Variants in NDRG4 observed in about 807,000 individuals in gnomAD.
NDRG4 encodes the protein protein NDRG4.
Under a neutral mutation model 55.8 loss-of-function variants are expected in NDRG4, and 38 were observed. That is an observed-to-expected ratio of 0.68 (90% CI 0.53 to 0.89). The LOEUF (loss-of-function observed/expected upper bound fraction) is 0.89, where lower values mean the gene tolerates loss of function less well. Ranked by LOEUF, NDRG4 falls within the 40% of genes least tolerant of loss-of-function variation. The pLI is 0.00. For missense variants in NDRG4, 455 were observed against 468.6 expected (o/e 0.97, Z 0.27); for synonymous variants, 190 against 182.7 (o/e 1.04, Z -0.32).
chr16:58,492,818 C>T (rs530687542), intron 2 of NDRG4, among the ~76,000 whole-genome samples: 2 of 152,284 alleles, frequency 1.3e-5, no homozygotes, highest in East Asian at 1.9e-4. Flanking sequence ...TCTCCTCAGC[C>T]CGCTTGTGCA....
chr16:58,506,640 T>C (rs1199648453), intron 7 of NDRG4, 26 bp downstream of exon 7: 1 of 1,545,064 alleles, frequency 6.5e-7, no homozygotes, highest in Admixed American at 2.0e-5. Context: ...TCTGCAGATC[T>C]GGGGTGATCT....
chr16:58,505,205 C>T (rs967758075), intron 5 of NDRG4, among the ~76,000 whole-genome samples: 28 of 151,838 alleles, frequency 1.8e-4, no homozygotes, highest in Admixed American at 4.6e-4. Context: ...AAAAATTAGC[C>T]GGGCGTAGTG....
At chr16:58,483,084 C>A (rs28408754) in intron 1 of NDRG4, among the ~76,000 whole-genome samples, 2,102 of 152,158 alleles carry the variant, frequency 0.014, 51 homozygotes, top group African/African-American at 0.048. Context: ...CCGTGCCCAG[C>A]CCCCCAGTGT....
upstream of NDRG4, chr16:58,495,158 TTCTGC>T (rs1406231559): frequency 3.1e-5 from 23 of 744,684 alleles, no homozygotes; most frequent in East Asian, 5.2e-4. Context: ...CTGGCCCTGC[TTCTGC>T]GAGCAGCAGG....
chr16:58,465,309 A>T (rs2031381713), intron 1 of NDRG4: 3 of 434,874 alleles, frequency 6.9e-6, no homozygotes, highest in Non-Finnish European at 1.4e-5. Flanking sequence ...ATGAGGGAGC[A>T]GAGCCCCGGA....
At chr16:58,489,375 C>T (rs1352056439) in intron 2 of NDRG4, among the ~76,000 whole-genome samples, 1 of 151,904 alleles carries the variant, frequency 6.6e-6, no homozygotes, top group East Asian at 1.9e-4. Context: ...TGCACCAGCT[C>T]CCCCGCCTGT....
At chr16:58,477,964 T>C (rs1168674396) in intron 1 of NDRG4, among the ~76,000 whole-genome samples, 2 of 152,188 alleles carry the variant, frequency 1.3e-5, no homozygotes, top group Non-Finnish European at 2.9e-5. Flanking sequence ...TGCCTGCTGA[T>C]ACAAACTGAG....
upstream of NDRG4, among the ~76,000 whole-genome samples, chr16:58,497,557 G>A (rs556591722): frequency 0.025 from 2,057 of 83,594 alleles, 41 homozygotes; most frequent in African/African-American, 0.078. Flanking sequence ...AGGTCCATGA[G>A]GATTATATGT....
At chr16:58,497,279 AC>A (rs940754819), upstream of NDRG4, among the ~76,000 whole-genome samples, 3 of 152,206 alleles carry the variant, frequency 2.0e-5, no homozygotes, top group African/African-American at 7.2e-5. Flanking sequence ...CAGAGATTGC[AC>A]CATTGCACTC....
chr16:58,506,736 C>T (rs762301249), intron 7 of NDRG4, 122 bp downstream of exon 7: 9 of 1,269,902 alleles, frequency 7.1e-6, no homozygotes, highest in Middle Eastern at 2.4e-4. Flanking sequence ...GCTAAGCCAT[C>T]TGAAAGACAG....
At chr16:58,491,648 T>C (rs2035802390) in intron 2 of NDRG4, among the ~76,000 whole-genome samples, 1 of 151,526 alleles carries the variant, frequency 6.6e-6, no homozygotes, top group Admixed American at 6.6e-5. Context: ...TTAGTAGAGA[T>C]GGAGTTTCTC....
intron 1 of NDRG4, among the ~76,000 whole-genome samples, chr16:58,470,945 T>G (rs1352674084): frequency 6.7e-6 from 1 of 148,740 alleles, no homozygotes; most frequent in African/African-American, 2.5e-5. Context: ...GCAGGGGATA[T>G]TCAAAAACAG....
rs1045366894 is a variant in NDRG4 at position 58,506,678 on chromosome 16, T to G, written c.516+64T>G. On this transcript the variant is annotated intron_variant, in intron 7 of 14. Transcript: ENST00000570248. ...GATTTGCCCCTCCCAGCTGGCTCGGTAGGAGGCAGGCGGGTGTCTTTGGCA... is the reference window on the plus strand; with the variant it reads ...GATTTGCCCCTCCCAGCTGGCTCGGGAGGAGGCAGGCGGGTGTCTTTGGCA... 2.0e-6 allele frequency: 3 copies of G among 1,520,572 alleles called. No individual in the cohort carries two copies. In the Admixed American group the frequency reaches 6.1e-5, roughly 31 times the overall value. 94.2% of individuals were successfully genotyped at this position (1,520,572 alleles called of 1,614,324 possible).
intron 1 of NDRG4, 56 bp downstream of exon 1, chr16:58,500,325 G>T: frequency 6.5e-7 from 1 of 1,527,946 alleles, no homozygotes; most frequent in South Asian, 1.2e-5. Flanking sequence ...GCATCCTTAT[G>T]ACCCACCGCA....
chr16:58,502,384 G>A (rs1597283241), intron 1 of NDRG4, among the ~76,000 whole-genome samples: 1 of 152,174 alleles, frequency 6.6e-6, no homozygotes, highest in Non-Finnish European at 1.5e-5. Flanking sequence ...CTCACCCTAA[G>A]GCTCATTACC....
intron 5 of NDRG4, 195 bp downstream of exon 5, chr16:58,504,844 G>T (rs1198889890): frequency 3.3e-6 from 2 of 601,936 alleles, no homozygotes; most frequent in East Asian, 5.6e-5. Flanking sequence ...TAAAAAAGAG[G>T]TTCCTTTCTC....
At chr16:58,502,032 A>G (rs1196982939) in intron 1 of NDRG4, 1 of 455,762 alleles carries the variant, frequency 2.2e-6, no homozygotes. Flanking sequence ...CCTGGTCAGG[A>G]GCTCCCTCGG....
chr16:58,492,946 A>AT (rs1207829563), intron 2 of NDRG4, among the ~76,000 whole-genome samples: 2 of 152,044 alleles, frequency 1.3e-5, no homozygotes, highest in East Asian at 3.9e-4. Flanking sequence ...CCTGGAACGA[A>AT]TCTGCAGAAG....
chr16:58,482,699 C>CCCTCCCTTCCTT (rs2034579625), intron 1 of NDRG4, among the ~76,000 whole-genome samples: 2 of 128,384 alleles, frequency 1.6e-5, no homozygotes, highest in African/African-American at 5.9e-5. Context: ...CTTCCTTCCT[C>CCCTCCCTTCCTT]CCTCCCTCCT....
Sources: gnomAD v4.1 joint callset for allele counts (sites outside exome capture counted in the v4.1 genomes callset) on GRCh38, gnomAD v4.1.1 for gene constraint, MANE v1.5 for transcripts, NCBI Gene and HGNC (gene_info 2026-07-23, HGNC 2026-07-21) for gene names.